The following SCYL2 variants were observed in gnomAD, a reference collection of about 807,000 sequenced individuals.
SCYL2 encodes the protein SCY1 like pseudokinase 2.
In SCYL2, 36 loss-of-function variants were observed where a neutral mutation model predicts 100.4. The ratio of observed to expected loss-of-function variants is 0.36; its 90% CI spans 0.27 to 0.47. The LOEUF (loss-of-function observed/expected upper bound fraction) is 0.47. SCYL2 is among the 20% of genes least tolerant of loss of function. SCYL2 has a pLI of 1.00. For missense variants in SCYL2, 902 were observed against 1,083.9 expected (o/e 0.83, Z 2.36); for synonymous variants, 330 against 359.2 (o/e 0.92, Z 0.92).
At chr12:100,273,193 G>A (rs575413992) in intron 1 of SCYL2, among the ~76,000 whole-genome samples, 1 of 152,094 alleles carries the variant, frequency 6.6e-6, no homozygotes, top group Non-Finnish European at 1.5e-5. Flanking sequence ...TGGCTTTTTA[G>A]CCTCCTTTGC....
rs981016892 is a variant in SCYL2, at chr12:100,267,217, C to A, written c.-604C>A. On this transcript the variant is annotated 5_prime_UTR_variant, in exon 1 of 18. Transcript: ENST00000360820. Reference sequence around the variant, plus strand: ...CCCTTACTCTTCGTCCCCGGTCCCTCCCCTCCCCACCCCTTTCCTTCTAGC... The same window carrying A: ...CCCTTACTCTTCGTCCCCGGTCCCTACCCTCCCCACCCCTTTCCTTCTAGC... The A allele has an allele frequency of 4.8e-6, 4 of 832,294 alleles. No homozygotes were observed. Among genetic ancestry groups the A allele is most frequent in the South Asian group, 3.7e-5 (2 of 53,862 alleles). The allele number at this position is 832,294 out of a possible 1,614,324, so 51.6% of individuals were successfully genotyped here.
intron 13 of SCYL2, among the ~76,000 whole-genome samples, chr12:100,332,741 G>T (rs1394274120): frequency 6.6e-6 from 1 of 150,430 alleles, no homozygotes; most frequent in Non-Finnish European, 1.5e-5. Flanking sequence ...TTGAGACAGG[G>T]TCTCACTCTG....
At chr12:100,315,978 T>A (rs1220428931) in intron 9 of SCYL2, among the ~76,000 whole-genome samples, 1 of 152,224 alleles carries the variant, frequency 6.6e-6, no homozygotes, top group Non-Finnish European at 1.5e-5. Context: ...TAAACTGCAA[T>A]GAAATTTTGC....
intron 11 of SCYL2, among the ~76,000 whole-genome samples, chr12:100,324,664 GAAATA>G (rs2096359780): frequency 6.6e-6 from 1 of 152,098 alleles, no homozygotes; most frequent in Non-Finnish European, 1.5e-5. Flanking sequence ...AGTATGAAAT[GAAATA>G]AAGTCAAGTT....
intron 16 of SCYL2, 78 bp from the exon 17 acceptor site, chr12:100,337,309 A>G: frequency 6.4e-7 from 1 of 1,567,478 alleles, no homozygotes; most frequent in Non-Finnish European, 8.6e-7. Context: ...GATGTACTTT[A>G]CCCGAAGAGA....
At chr12:100,271,798 A>G (rs991774825) in intron 1 of SCYL2, among the ~76,000 whole-genome samples, 1 of 152,170 alleles carries the variant, frequency 6.6e-6, no homozygotes, top group African/African-American at 2.4e-5. Context: ...GAAGCTGGGG[A>G]AAAAAGTAAA....
intron 4 of SCYL2, among the ~76,000 whole-genome samples, chr12:100,304,992 A>G (rs2096332498): frequency 6.6e-6 from 1 of 152,188 alleles, no homozygotes. Context: ...AGGAGCACCC[A>G]GATACATAAA....
rs1204066090 is a variant in SCYL2, at chr12:100,340,322, A to G, written c.*1150A>G. The stretch of plus-strand genomic sequence containing the variant: ...AGAATCAATTCTCTTAACAGGAAAC[A>G]TGCTTTATTTTTCAAAACCTTTCTC... On this transcript the variant is annotated 3_prime_UTR_variant, in exon 18 of 18. Transcript: ENST00000360820. 5.9e-5 allele frequency: 9 copies of G among 152,354 alleles called. No homozygotes were observed. In the East Asian group the frequency reaches 1.7e-3, roughly 29 times the overall value. 9.4% of individuals were successfully genotyped at this position (152,354 alleles called of 1,614,324 possible). A position where few individuals can be genotyped will look rare whatever the true frequency, so the allele number is the denominator to read the frequency against.
At chr12:100,286,970 A>G (rs2096305084) in intron 2 of SCYL2, among the ~76,000 whole-genome samples, 1 of 152,122 alleles carries the variant, frequency 6.6e-6, no homozygotes, top group Non-Finnish European at 1.5e-5. Context: ...ATAAAAGTTT[A>G]TATTTTGCTT....
chr12:100,335,452 G>A (rs1952263343), intron 14 of SCYL2, 173 bp from the exon 15 acceptor site: 1 of 536,250 alleles, frequency 1.9e-6, no homozygotes, highest in Admixed American at 3.6e-5. Flanking sequence ...ACATACAAAT[G>A]TTATTTTTGG....
intron 2 of SCYL2, among the ~76,000 whole-genome samples, chr12:100,284,524 T>C (rs763690897): frequency 1.1e-4 from 16 of 152,166 alleles, no homozygotes; most frequent in Non-Finnish European, 2.1e-4. Flanking sequence ...GCTAAGTCCT[T>C]AAGCACCTTG....
Position 100,337,469 on chromosome 12 carries a change from A to G in SCYL2, c.2108A>G (p.Lys703Arg), listed in dbSNP as rs754181884. The G allele has an allele frequency of 1.2e-6, 2 of 1,612,950 alleles. No homozygotes were observed. The highest frequency in any genetic ancestry group is 1.3e-5 in the African/African-American group (1 of 74,978). ...AQKLKSQQPL[K>R]PQVHTPVATV... The stretch of plus-strand genomic sequence containing the variant: ...AAGCTGAAAAGCCAGCAGCCTCTTA[A>G]ACCCCAAGTGCACACACCTGTTGCT... The change falls in exon 17 of 18, where the codon AAA becomes AGA. Residue 703 changes from lysine to arginine, a missense_variant. Transcript: ENST00000360820.
chr12:100,270,918 A>G (rs1466965766), intron 1 of SCYL2, among the ~76,000 whole-genome samples: 1 of 152,062 alleles, frequency 6.6e-6, no homozygotes, highest in African/African-American at 2.4e-5. Flanking sequence ...TTTGTGTACT[A>G]ACTTGGCTGT....
intron 2 of SCYL2, among the ~76,000 whole-genome samples, chr12:100,289,741 G>GT (rs2096308416): frequency 6.6e-6 from 1 of 152,226 alleles, no homozygotes; most frequent in Non-Finnish European, 1.5e-5. Context: ...TTCATTTTAG[G>GT]TTTGTGTGAC....
In SCYL2 at chr12:100,283,138, A is replaced by C. The variant is rs745896299; in HGVS notation, c.168A>C (p.Ser56=). 4.4e-6 allele frequency: 7 copies of C among 1,605,038 alleles called. No homozygotes were observed. In the South Asian group the frequency reaches 5.6e-5, roughly 13 times the overall value. The change falls in exon 2 of 18, where the codon TCA becomes TCC. Residue 56 remains serine (S), a synonymous_variant. Transcript: ENST00000360820. ...AGATTTTTAATGGCACAAAAAAGTC[A>C]ACAAAGCAGGTGAGTTTTAATTCAG... is the stretch of plus-strand genomic sequence containing the variant. ...AWKIFNGTKK[S]TKQEVAVFVF...
chr12:100,324,200 C>T (rs1465473660), intron 11 of SCYL2, among the ~76,000 whole-genome samples: 6 of 152,050 alleles, frequency 3.9e-5, no homozygotes, highest in Non-Finnish European at 5.9e-5. Context: ...ACTTGTTAGT[C>T]AAGGAAGGTA....
At chr12:100,314,859 CAGA>C (rs754426628) in intron 8 of SCYL2, among the ~76,000 whole-genome samples, 3 of 152,168 alleles carry the variant, frequency 2.0e-5, no homozygotes, top group Non-Finnish European at 4.4e-5. Context: ...TATTAAAGGT[CAGA>C]AGAAGAGTCC....
intron 1 of SCYL2, among the ~76,000 whole-genome samples, chr12:100,270,233 C>T (rs1437939618): frequency 6.6e-6 from 1 of 152,074 alleles, no homozygotes; most frequent in East Asian, 1.9e-4. Context: ...GTGATCCACC[C>T]GCCTCGGCTT....
intron 1 of SCYL2, among the ~76,000 whole-genome samples, chr12:100,281,871 T>A (rs960721074): frequency 6.6e-6 from 1 of 151,962 alleles, no homozygotes; most frequent in Non-Finnish European, 1.5e-5. Flanking sequence ...ATTTATTGCT[T>A]AGTAAAGTGT....
Sources: allele counts gnomAD v4.1 joint callset (sites outside exome capture counted in the v4.1 genomes callset), GRCh38; gene constraint gnomAD v4.1.1; transcripts MANE v1.5; gene names NCBI Gene and HGNC (gene_info 2026-07-23, HGNC 2026-07-21).